The following ETV5 variants were observed in gnomAD, a reference collection of about 807,000 sequenced individuals.
ETV5 encodes the protein ETS variant transcription factor 5.
Under a neutral mutation model 70.0 loss-of-function variants are expected in ETV5, and 10 were observed. The ratio of observed to expected loss-of-function variants is 0.14; its 90% confidence interval spans 0.09 to 0.24. ETV5 has a LOEUF of 0.24. Ranked by LOEUF, ETV5 falls within the 10% of genes least tolerant of loss-of-function variation. The pLI is 1.00. For synonymous variants in ETV5, 216 were observed against 242.2 expected (o/e 0.89, Z 1.01); for missense variants, 453 against 651.2 (o/e 0.70, Z 3.31).
chr3:186,092,879 A>C (rs1398975981), intron 5 of ETV5, among the ~76,000 whole-genome samples: 1 of 152,210 alleles, frequency 6.6e-6, no homozygotes, highest in Non-Finnish European at 1.5e-5. Flanking sequence ...TGACGATAGC[A>C]ACATGGGTCT....
At chr3:186,102,493 C>T (rs571711426) in intron 5 of ETV5, among the ~76,000 whole-genome samples, 43 of 151,920 alleles carry the variant, frequency 2.8e-4, no homozygotes, top group African/African-American at 8.0e-4. Context: ...ATTAGCCAGG[C>T]ATGGTGGCAG....
chr3:186,048,390 C>A lies in ETV5; in HGVS notation c.*249G>T. The A allele has an allele frequency of 1.9e-6, 1 of 536,584 alleles. No individual in the cohort carries two copies. Among genetic ancestry groups the A allele is most frequent in the Non-Finnish European group, 3.4e-6 (1 of 297,494 alleles). The allele number at this position is 536,584 out of a possible 1,614,324, so 33.2% of individuals were successfully genotyped here. A position where few individuals can be genotyped will look rare whatever the true frequency, so the allele number is the denominator to read the frequency against. Reference sequence around the variant, plus strand: ...AAGGAGACTCCATTTTGATCTCTTCCCAGAAACCTCATCAGAATCAAGAGT... The same window carrying A: ...AAGGAGACTCCATTTTGATCTCTTCACAGAAACCTCATCAGAATCAAGAGT... On this transcript the variant is annotated 3_prime_UTR_variant, in exon 13 of 13. Transcript: ENST00000306376.
intron 5 of ETV5, among the ~76,000 whole-genome samples, chr3:186,086,502 C>G (rs1482850548): frequency 6.6e-6 from 1 of 152,064 alleles, no homozygotes; most frequent in Non-Finnish European, 1.5e-5. Context: ...TAAAAATATC[C>G]ACAAAGTATA....
intron 1 of ETV5, 151 bp downstream of exon 1, chr3:186,108,789 G>A: frequency 2.2e-6 from 1 of 458,802 alleles, no homozygotes; most frequent in Non-Finnish European, 3.3e-6. Flanking sequence ...CGGGGGGAGG[G>A]GGCGGTCAAC....
At chr3:186,056,115 AG>A (rs1464907974) in intron 11 of ETV5, among the ~76,000 whole-genome samples, 1 of 152,194 alleles carries the variant, frequency 6.6e-6, no homozygotes, top group African/African-American at 2.4e-5. Flanking sequence ...TATTCAGGAA[AG>A]GGATTCTAGG....
chr3:186,088,091 C>T (rs115170605), intron 5 of ETV5, among the ~76,000 whole-genome samples: 87 of 152,322 alleles, frequency 5.7e-4, no homozygotes, highest in African/African-American at 2.0e-3. Flanking sequence ...CCATCCTTCA[C>T]GTTCTGTTTT....
At chr3:186,107,079 A>G in intron 1 of ETV5, 1 of 324,684 alleles carries the variant, frequency 3.1e-6, no homozygotes, top group Non-Finnish European at 4.4e-6. Flanking sequence ...GTAGCATATC[A>G]AATTTTTCAT....
intron 5 of ETV5, 27 bp from the exon 6 acceptor site, chr3:186,081,202 G>A (rs1713927077): frequency 1.9e-6 from 3 of 1,598,140 alleles, no homozygotes; most frequent in Non-Finnish European, 2.6e-6. Flanking sequence ...GATGAGAGGG[G>A]AATAGAGAGA....
At position 186,047,464 on chromosome 3, in the gene ETV5, T is replaced by C. The variant is rs2150139675; in HGVS notation, c.*1175A>G. 4.3e-6 allele frequency: 1 copy of C among 232,276 alleles called. No homozygotes were observed. The highest frequency in any genetic ancestry group is 8.5e-6 in the Non-Finnish European group (1 of 117,350). The allele number at this position is 232,276 out of a possible 1,614,324, so 14.4% of individuals were successfully genotyped here. On this transcript the variant is annotated 3_prime_UTR_variant, in exon 13 of 13. Transcript: ENST00000306376. ...GCCCAGGGAAGAATCCCAAGGGTTT[T>C]CACCAGGTGACCAGGTTTCCAAAGG...
At chr3:186,081,289 T>C (rs1713929502) in intron 5 of ETV5, 114 bp from the exon 6 acceptor site, 1 of 1,084,542 alleles carries the variant, frequency 9.2e-7, no homozygotes, top group African/African-American at 1.6e-5. Flanking sequence ...GGAACTCATG[T>C]CAAGTCACAT....
At chr3:186,101,860 AGATCTTCAGAGTTACTTCTTAG>A (rs1378954887) in intron 5 of ETV5, among the ~76,000 whole-genome samples, 1 of 152,216 alleles carries the variant, frequency 6.6e-6, no homozygotes, top group Non-Finnish European at 1.5e-5. Context: ...AAGCAATCTG[AGATCTTCAGAGTTACTTCTTAG>A]GACCAAGGGA....
intron 5 of ETV5, among the ~76,000 whole-genome samples, chr3:186,104,054 T>C (rs928787954): frequency 6.6e-6 from 1 of 152,212 alleles, no homozygotes; most frequent in Admixed American, 6.5e-5. Context: ...AAATGAGAAA[T>C]TGAGTCCTTG....
rs1712907026 is a variant in ETV5, at chr3:186,047,471, G to A, written c.*1168C>T. 2 of 232,056 alleles carry A rather than the reference G, an allele frequency of 8.6e-6. No individual in the cohort carries two copies. The highest frequency in any genetic ancestry group is 1.8e-4 in the South Asian group (1 of 5,516). 14.4% of individuals were successfully genotyped at this position (232,056 alleles called of 1,614,324 possible). On this transcript the variant is annotated 3_prime_UTR_variant, in exon 13 of 13. Coordinates refer to ENST00000306376, the MANE Select transcript of ETV5 (RefSeq NM_004454.3). Reference sequence around the variant, plus strand: ...GAAGAATCCCAAGGGTTTTCACCAGGTGACCAGGTTTCCAAAGGACATGAC... The same window carrying A: ...GAAGAATCCCAAGGGTTTTCACCAGATGACCAGGTTTCCAAAGGACATGAC...
intron 5 of ETV5, among the ~76,000 whole-genome samples, chr3:186,094,827 T>C (rs1714265269): frequency 6.6e-6 from 1 of 152,220 alleles, no homozygotes; most frequent in African/African-American, 2.4e-5. Context: ...AACAGTCAAG[T>C]AACATGCTTG....
intron 1 of ETV5, 154 bp downstream of exon 1, chr3:186,108,786 A>AG (rs1363477891): frequency 4.2e-6 from 2 of 475,536 alleles, no homozygotes; most frequent in Non-Finnish European, 6.2e-6. Flanking sequence ...CCGCGGGGGG[A>AG]GGGGGCGGTC....
chr3:186,091,716 C>A (rs1037050708), intron 5 of ETV5, among the ~76,000 whole-genome samples: 1 of 152,166 alleles, frequency 6.6e-6, no homozygotes, highest in Non-Finnish European at 1.5e-5. Flanking sequence ...GTAATACAAT[C>A]AGCTCAAAAT....
chr3:186,092,045 C>T (rs1275335919), intron 5 of ETV5, among the ~76,000 whole-genome samples: 2 of 152,166 alleles, frequency 1.3e-5, no homozygotes, highest in African/African-American at 4.8e-5. Flanking sequence ...TTTTGAAATG[C>T]AAGCTGAGGA....
chr3:186,099,357 A>G (rs2150154448), intron 5 of ETV5, among the ~76,000 whole-genome samples: 1 of 152,366 alleles, frequency 6.6e-6, no homozygotes, highest in African/African-American at 2.4e-5. Flanking sequence ...TAAAAAAGCA[A>G]CCTAATCCGG....
intron 7 of ETV5, among the ~76,000 whole-genome samples, chr3:186,072,995 G>A (rs894268996): frequency 6.6e-6 from 1 of 152,148 alleles, no homozygotes. Flanking sequence ...AGCCGGGTGT[G>A]GTGGTGTACT....
Sources: gnomAD v4.1 joint callset for allele counts (sites outside exome capture counted in the v4.1 genomes callset) on GRCh38, gnomAD v4.1.1 for gene constraint, MANE v1.5 for transcripts, NCBI Gene and HGNC (gene_info 2026-07-23, HGNC 2026-07-21) for gene names.